MAST4: variants seen among roughly 807,000 people sequenced by gnomAD.
MAST4 encodes microtubule-associated serine/threonine-protein kinase 4.
MAST4 carries 89 observed loss-of-function variants against 162.7 expected under a neutral mutation model. The ratio of observed to expected loss-of-function variants is 0.55; its 90% confidence interval spans 0.46 to 0.65. MAST4 has a LOEUF of 0.65. MAST4 is among the 30% of genes least tolerant of loss of function. The probability of loss-of-function intolerance (pLI) is 0.00; values close to 1 mark genes in which losing one functional copy is unlikely to be tolerated. For missense variants in MAST4, 3,153 were observed against 3,374.0 expected, an observed-to-expected ratio of 0.93 and a Z score of 1.62; for synonymous variants, 1,479 against 1,361.1, an observed-to-expected ratio of 1.09 and a Z score of -1.91.
intron 1 of MAST4, among the ~76,000 whole-genome samples, chr5:66,730,450 C>A (rs1263100604): frequency 6.6e-6 from 1 of 152,104 alleles, no homozygotes. Flanking sequence ...ATTTACTCCA[C>A]TCTTGGTAGG....
chr5:67,095,721 A>C lies in MAST4; in HGVS notation c.912+46A>C, dbSNP rs762460577. On this transcript the variant is annotated intron_variant, in intron 7 of 28. Transcript: ENST00000403625. ...TTTTTTTTCTCTTCCTCACAACAAC[A>C]GAGCTATTACACAGGCAGTGTTTTC... 6 of 1,405,432 alleles carry C rather than the reference A, an allele frequency of 4.3e-6. No homozygotes were observed. In the East Asian group the frequency reaches 1.4e-4, roughly 33 times the overall value. 87.1% of individuals were successfully genotyped at this position (1,405,432 alleles called of 1,614,324 possible).
chr5:67,083,205 C>G (rs1762865028), intron 5 of MAST4, among the ~76,000 whole-genome samples: 1 of 152,152 alleles, frequency 6.6e-6, no homozygotes, highest in South Asian at 2.1e-4. Context: ...GCCTTTGATC[C>G]TTTAAATCTG....
chr5:67,100,694 C>T, intron 8 of MAST4, 102 bp downstream of exon 8: 1 of 1,332,740 alleles, frequency 7.5e-7, no homozygotes, highest in Non-Finnish European at 1.0e-6. Context: ...TGTTAACTGA[C>T]TTGCAAACTA....
intron 5 of MAST4, among the ~76,000 whole-genome samples, chr5:67,055,257 TGGGA>T (rs1758658135): frequency 6.6e-6 from 1 of 152,028 alleles, no homozygotes; most frequent in Admixed American, 6.6e-5. Flanking sequence ...GGTCAGGAAG[TGGGA>T]GGAAGTTTGA....
intron 3 of MAST4, among the ~76,000 whole-genome samples, chr5:66,797,592 GC>G (rs1323162821): frequency 2.0e-5 from 3 of 152,118 alleles, no homozygotes; most frequent in Non-Finnish European, 4.4e-5. Context: ...CTTTTAAGGA[GC>G]CTATAAACTA....
intron 24 of MAST4, 113 bp downstream of exon 24, chr5:67,149,702 T>C: frequency 1.9e-6 from 2 of 1,078,054 alleles, no homozygotes; most frequent in South Asian, 1.4e-5. Flanking sequence ...TAATAACGGG[T>C]CATGTCCCAG....
At chr5:66,663,982 T>A (rs764900083) in intron 1 of MAST4, among the ~76,000 whole-genome samples, 10 of 151,928 alleles carry the variant, frequency 6.6e-5, no homozygotes, top group Non-Finnish European at 8.8e-5. Flanking sequence ...GTAACCAGAG[T>A]TGCATCCCAT....
intron 4 of MAST4, among the ~76,000 whole-genome samples, chr5:66,957,611 C>T (rs1477850874): frequency 2.0e-5 from 3 of 150,678 alleles, no homozygotes; most frequent in Non-Finnish European, 4.4e-5. Context: ...TGTGAGCTCA[C>T]ACTGAGAGAT....
intron 1 of MAST4, among the ~76,000 whole-genome samples, chr5:66,727,078 T>A (rs1359600190): frequency 6.6e-6 from 1 of 152,016 alleles, no homozygotes; most frequent in South Asian, 2.1e-4. Context: ...CCAGGATAGA[T>A]TTAGGAAGAA....
chr5:66,597,909 A>G (rs973471074), intron 1 of MAST4, among the ~76,000 whole-genome samples: 12 of 152,026 alleles, frequency 7.9e-5, no homozygotes, highest in African/African-American at 1.2e-4. Context: ...AAAAAAAAAA[A>G]AGATTGTTTG....
intron 5 of MAST4, among the ~76,000 whole-genome samples, chr5:67,073,071 G>A (rs1007015457): frequency 4.6e-5 from 7 of 152,132 alleles, no homozygotes; most frequent in Admixed American, 2.0e-4. Flanking sequence ...CACTCTGTCT[G>A]GTTTAAGCAG....
chr5:66,800,504 G>C (rs1422498698), intron 3 of MAST4, among the ~76,000 whole-genome samples: 1 of 152,056 alleles, frequency 6.6e-6, no homozygotes, highest in East Asian at 1.9e-4. Context: ...AGAACACGTG[G>C]GCACAAAGTT....
chr5:67,119,045 CAGAG>C (rs1390354899), intron 13 of MAST4, among the ~76,000 whole-genome samples: 1 of 152,170 alleles, frequency 6.6e-6, no homozygotes, highest in Non-Finnish European at 1.5e-5. Flanking sequence ...CAGGCTACAT[CAGAG>C]GACTAAGCAA....
At chr5:66,876,891 C>T (rs777994927) in intron 3 of MAST4, among the ~76,000 whole-genome samples, 1 of 152,158 alleles carries the variant, frequency 6.6e-6, no homozygotes, top group Non-Finnish European at 1.5e-5. Flanking sequence ...GAACACACAG[C>T]AATGTGGATA....
intron 1 of MAST4, among the ~76,000 whole-genome samples, chr5:66,636,500 T>TGTG (rs1745130414): frequency 6.6e-6 from 1 of 152,148 alleles, no homozygotes. Context: ...GATACTCGTT[T>TGTG]GTGGTGGTGG....
intron 10 of MAST4, among the ~76,000 whole-genome samples, chr5:67,106,391 C>T (rs1765594136): frequency 6.6e-6 from 1 of 152,182 alleles, no homozygotes; most frequent in South Asian, 2.1e-4. Flanking sequence ...ACATGCTTCT[C>T]CCACATTCTT....
intron 1 of MAST4, among the ~76,000 whole-genome samples, chr5:66,628,775 T>G (rs10940073): frequency 0.26 from 38,992 of 151,856 alleles, 5,158 homozygotes; most frequent in South Asian, 0.3. Context: ...GAAGGAAACA[T>G]GATTATGTGA....
chr5:66,940,319 G>A (rs1462983929), intron 4 of MAST4, among the ~76,000 whole-genome samples: 2 of 152,108 alleles, frequency 1.3e-5, no homozygotes, highest in East Asian at 1.9e-4. Context: ...GGTTGCCACA[G>A]CAGTGGACTC....
rs780323896 is a variant in MAST4 at position 67,163,622 on chromosome 5, G to A, written c.4443G>A (p.Gln1481=). Residue 1481 remains glutamine, a synonymous_variant, in exon 29 of 29, where the codon CAG becomes CAA. Coordinates refer to ENST00000403625, the MANE Select transcript of MAST4 (RefSeq NM_001164664.2). This position sits in a 1 kb window ranked among gnomAD's most constrained non-coding sequence, Gnocchi z 7.0. ...TQEEVQREQS[Q]REAPLQSLDE... ...AGGAGGTGCAGCGGGAGCAGTCCCA[G>A]CGGGAGGCGCCGCTGCAGAGCCTGG... 3 of 1,604,308 alleles carry A rather than the reference G, an allele frequency of 1.9e-6. No homozygotes were observed. Among genetic ancestry groups the A allele is most frequent in the Non-Finnish European group, 2.6e-6 (3 of 1,176,022 alleles).
Sources: allele counts gnomAD v4.1 joint callset (sites outside exome capture counted in the v4.1 genomes callset), GRCh38; gene constraint gnomAD v4.1.1; non-coding constraint Gnocchi (gnomAD v3.1); transcripts MANE v1.5; gene names NCBI Gene and HGNC (gene_info 2026-07-23, HGNC 2026-07-21).